MYH9: variants seen among roughly 807,000 people sequenced by gnomAD.
MYH9 encodes myosin-9.
In MYH9, 29 loss-of-function variants were observed where a neutral mutation model predicts 241.9. The observed-to-expected ratio is 0.12, with a 90% CI of 0.09 to 0.16. MYH9 has a LOEUF of 0.16. Ranked by LOEUF, MYH9 falls within the 10% of genes least tolerant of loss-of-function variation. The pLI, the probability that MYH9 is intolerant of heterozygous loss-of-function variation, is 1.00. For missense variants in MYH9, 1,803 were observed against 2,595.5 expected (o/e 0.69, Z 6.63); for synonymous variants, 1,047 against 1,062.6 (o/e 0.99, Z 0.29).
rs750933953 is a variant in MYH9, at chr22:36,305,042, G to A, written c.2220C>T (p.Cys740=). 6.8e-6 allele frequency: 11 copies of A among 1,613,728 alleles called. No homozygotes were observed. The highest frequency in any genetic ancestry group is 2.7e-5 in the African/African-American group (2 of 74,922). Residue 740 remains cysteine (C), a synonymous_variant, in exon 18 of 41, where the codon TGC becomes TGT. Coordinates refer to ENST00000216181, the MANE Select transcript of MYH9 (RefSeq NM_002473.6). The surrounding 1 kb of genome is among the most constrained non-coding windows in gnomAD (Gnocchi z 4.7). ...CAGCAGCTCAACTCACCATGAGCAC[G>A]CACGCCTGCTTCCCGTCCATGAAAC... ...PKGFMDGKQA[C]VLMIKALELD...
At chr22:36,304,894 G>T in intron 18 of MYH9, 139 bp downstream of exon 18, 2 of 863,668 alleles carry the variant, frequency 2.3e-6, no homozygotes, top group Non-Finnish European at 3.8e-6. Context: ...GCCCGGCAGA[G>T]TCAGACGCGG....
In MYH9 at chr22:36,289,224, T is replaced by C; in HGVS notation, c.4418A>G (p.Glu1473Gly). 6.2e-7 allele frequency: 1 copy of C among 1,613,148 alleles called. No individual in the cohort carries two copies. The highest frequency in any genetic ancestry group is 2.2e-5 in the East Asian group (1 of 44,880). The part of the protein sequence containing the change: ...ERDRAEAEAR[E>G]KETKALSLAR... ...CAGCGACAGAGCCTTGGTCTCCTTC[T>C]CTCGGGCCTCCGCCTCAGCCCGGTC... Residue 1473 changes from glutamate (E) to glycine (G), a missense_variant, in exon 32 of 41, where the codon GAG becomes GGG. Coordinates refer to ENST00000216181, the MANE Select transcript of MYH9 (RefSeq NM_002473.6).
chr22:36,358,139 A>G (rs2017884812), intron 1 of MYH9, among the ~76,000 whole-genome samples: 1 of 152,174 alleles, frequency 6.6e-6, no homozygotes, highest in East Asian at 1.9e-4. Context: ...ATCTTGGCTC[A>G]CTGCAACCTC....
chr22:36,301,821 G>A (rs1210606239), intron 20 of MYH9, 156 bp from the exon 21 acceptor site: 28 of 967,124 alleles, frequency 2.9e-5, no homozygotes, highest in South Asian at 1.9e-4. Flanking sequence ...CCTTCCTGGC[G>A]CTCTGTACCA....
chr22:36,289,616 T>C (rs1569534832), intron 31 of MYH9, among the ~76,000 whole-genome samples: 2 of 152,226 alleles, frequency 1.3e-5, no homozygotes, highest in African/African-American at 4.8e-5. Flanking sequence ...TGTAAGAGCT[T>C]TGGTTCTCCT....
At chr22:36,342,181 A>G (rs1171308048) in intron 2 of MYH9, among the ~76,000 whole-genome samples, 1 of 152,210 alleles carries the variant, frequency 6.6e-6, no homozygotes, top group Non-Finnish European at 1.5e-5. Context: ...AGGGGAACCC[A>G]ATTAATCAAC....
Position 36,300,043 on chromosome 22 carries a change from G to T in MYH9, c.2976+84C>A. Reference sequence around the variant, plus strand: ...GAAGAGACAGGAAGCAGCAGCAGCGGGGAGCCAGGCCCTGCAAGGGTGACC... The same window carrying T: ...GAAGAGACAGGAAGCAGCAGCAGCGTGGAGCCAGGCCCTGCAAGGGTGACC... On this transcript the variant is annotated intron_variant, in intron 23 of 40. Transcript: ENST00000216181. The surrounding 1 kb of genome is among the most constrained non-coding windows in gnomAD (Gnocchi z 5.0). 1 of 1,572,292 alleles carries T rather than the reference G, an allele frequency of 6.4e-7. No individual in the cohort carries two copies. Among genetic ancestry groups the T allele is most frequent in the Non-Finnish European group, 8.7e-7 (1 of 1,154,952 alleles).
chr22:36,308,504 C>A (rs4820227), intron 15 of MYH9, among the ~76,000 whole-genome samples: 126,736 of 151,372 alleles, frequency 0.84, 56,457 homozygotes, highest in East Asian at 1. Flanking sequence ...AAACTCCTGG[C>A]CTCAAGCAAT....
rs1411790268 is a variant in MYH9 at position 36,285,609 on chromosome 22, C to T, written c.5274+49G>A. ...CGGCTGGGTCCAAGGCCAGCTCTGC[C>T]GTGGTGGCTCCAGCCAGAGCCCAGA... On this transcript the variant is annotated intron_variant, in intron 37 of 40. Transcript: ENST00000216181. This position sits in a 1 kb window ranked among gnomAD's most constrained non-coding sequence, Gnocchi z 7.0. 4 of 1,609,562 alleles carry T rather than the reference C, an allele frequency of 2.5e-6. No individual in the cohort carries two copies. Among genetic ancestry groups the T allele is most frequent in the Admixed American group, 1.7e-5 (1 of 59,962 alleles).
intron 1 of MYH9, among the ~76,000 whole-genome samples, chr22:36,382,406 C>T (rs6000266): frequency 0.14 from 21,018 of 151,206 alleles, 1,863 homozygotes; most frequent in African/African-American, 0.25. Flanking sequence ...ACCCAGGAGG[C>T]GGAGGTTGCA....
intron 1 of MYH9, among the ~76,000 whole-genome samples, chr22:36,383,427 G>A (rs1457917099): frequency 6.6e-6 from 1 of 152,160 alleles, no homozygotes; most frequent in Middle Eastern, 3.2e-3. Flanking sequence ...AGGTTACTCA[G>A]CAGAAGTTCA....
At position 36,304,175 on chromosome 22, in the gene MYH9, C is replaced by T. The variant is rs576984529; in HGVS notation, c.2230-20G>A. On this transcript the variant is annotated intron_variant, in intron 18 of 40. Transcript: ENST00000216181. ...TTTTATCTAGGTGGGAGGAGCAGGC[C>T]GTTTACCTGGCCAGCAACTGGCCAC... is the stretch of plus-strand genomic sequence containing the variant. 5.6e-6 allele frequency: 9 copies of T among 1,612,918 alleles called. No individual in the cohort carries two copies. In the East Asian group the frequency reaches 8.9e-5, roughly 16 times the overall value.
chr22:36,308,996 G>A (rs898972812), intron 15 of MYH9: 3 of 414,662 alleles, frequency 7.2e-6, no homozygotes, highest in Non-Finnish European at 9.7e-6. Context: ...AACATGGCGC[G>A]GGGCTGGGAG....
rs1603483274 is a variant in MYH9 at position 36,312,219 on chromosome 22, C to T, written c.1558G>A (p.Gly520Ser). 6.2e-7 allele frequency: 1 copy of T among 1,614,020 alleles called. No homozygotes were observed. ...AGCAGGGCCAGAATGCCCGGGGGGC[C>T]TGCCTGGAGGAAGCGCAGCATCAGC... Reference protein sequence around the residue: ...PCIDLIEKPAGPPGILALLDE... With the variant: ...PCIDLIEKPASPPGILALLDE... The change falls in exon 14 of 41, where the codon GGC becomes AGC. Residue 520 changes from glycine to serine, a missense_variant. Physicochemically the swap from Gly to Ser is moderately conservative, Grantham distance 56. Around this residue, in one of 11 missense-constraint regions of MYH9, gnomAD observed 163 missense variants for 349.7 expected, o/e 0.47. Coordinates refer to ENST00000216181, the MANE Select transcript of MYH9 (RefSeq NM_002473.6).
chr22:36,295,537 C>T lies in MYH9; in HGVS notation c.3453G>A (p.Thr1151=), dbSNP rs574230328. ...LEALKTELED[T]LDSTAAQQEL... The stretch of plus-strand genomic sequence containing the variant: ...CCTGCTGGGCAGCTGTGGAATCCAG[C>T]GTGTCCTCCAACTCTGTTTTCAGAG... Residue 1151 remains threonine (T), a synonymous_variant, in exon 26 of 41, where the codon ACG becomes ACA. Coordinates refer to ENST00000216181, the MANE Select transcript of MYH9 (RefSeq NM_002473.6). The surrounding 1 kb of genome is among the most constrained non-coding windows in gnomAD (Gnocchi z 4.1). 3.7e-5 allele frequency: 59 copies of T among 1,613,516 alleles called. No individual in the cohort carries two copies. The highest frequency in any genetic ancestry group is 3.6e-4 in the South Asian group (33 of 91,054).
chr22:36,304,076 T>C lies in MYH9; in HGVS notation c.2309A>G (p.His770Arg), dbSNP rs2146346627. ...KVFFRAGVLAHLEEERDLKIT... is the reference protein window; with the variant it reads ...KVFFRAGVLARLEEERDLKIT... Reference sequence around the variant, plus strand: ...CTTCAGGTCTCGCTCCTCCTCCAGGTGGGCCAGCACACCGGCACGGAAGAA... The same window carrying C: ...CTTCAGGTCTCGCTCCTCCTCCAGGCGGGCCAGCACACCGGCACGGAAGAA... Residue 770 changes from histidine (H) to arginine (R), a missense_variant, in exon 19 of 41, where the codon CAC becomes CGC. Transcript: ENST00000216181. 1.2e-6 allele frequency: 2 copies of C among 1,613,850 alleles called. No homozygotes were observed. The highest frequency in any genetic ancestry group is 1.7e-6 in the Non-Finnish European group (2 of 1,180,036).
intron 1 of MYH9, among the ~76,000 whole-genome samples, chr22:36,367,518 G>C (rs150698288): frequency 1.3e-5 from 2 of 152,324 alleles, no homozygotes; most frequent in East Asian, 3.9e-4. Context: ...ATACAAGTGA[G>C]GATGAAATCC....
At chr22:36,316,969 G>A (rs7289489) in intron 11 of MYH9, among the ~76,000 whole-genome samples, 55 of 141,430 alleles carry the variant, frequency 3.9e-4, no homozygotes, top group African/African-American at 9.9e-4. Flanking sequence ...ATAAGGCAGT[G>A]GTCTACGGCC....
chr22:36,310,563 C>T (rs1025130568), intron 14 of MYH9, among the ~76,000 whole-genome samples: 3 of 152,186 alleles, frequency 2.0e-5, no homozygotes, highest in Non-Finnish European at 4.4e-5. Context: ...CGAATGCACG[C>T]TGCTGCATCC....
Sources: gnomAD v4.1 joint callset for allele counts (sites outside exome capture counted in the v4.1 genomes callset) on GRCh38, gnomAD v4.1.1 for gene constraint, gnomAD v4.1.1 regional missense constraint, Gnocchi (gnomAD v3.1) non-coding constraint, MANE v1.5 for transcripts, NCBI Gene and HGNC (gene_info 2026-07-23, HGNC 2026-07-21) for gene names.